Variants in PTPRD observed in about 807,000 individuals in gnomAD.
The protein encoded by PTPRD is receptor-type tyrosine-protein phosphatase delta.
A neutral mutation model predicts 214.5 loss-of-function variants in PTPRD; 34 were observed. That is an observed-to-expected ratio of 0.16 (90% CI 0.12 to 0.21). PTPRD has a LOEUF of 0.21. Among genes scored for constraint, PTPRD ranks in the 10% least tolerant of loss-of-function variants. PTPRD has a pLI of 1.00. For missense variants in PTPRD, 2,545 were observed against 2,398.7 expected (o/e 1.06, Z -1.27); for synonymous variants, 1,128 against 845.7 (o/e 1.33, Z -5.79).
intron 4 of PTPRD, among the ~76,000 whole-genome samples, chr9:9,939,154 G>C (rs753266492): frequency 6.6e-6 from 1 of 152,006 alleles, no homozygotes; most frequent in Non-Finnish European, 1.5e-5. Context: ...TTTCTCAAAC[G>C]CACCAGAGTG....
chr9:10,026,823 C>T (rs192957644), intron 4 of PTPRD, among the ~76,000 whole-genome samples: 60 of 150,844 alleles, frequency 4.0e-4, no homozygotes, highest in African/African-American at 1.2e-3. Context: ...AAGGAAGTTG[C>T]GGTCTCACAA....
intron 11 of PTPRD, among the ~76,000 whole-genome samples, chr9:8,847,567 C>T (rs957651303): frequency 2.8e-4 from 42 of 152,104 alleles, no homozygotes. Flanking sequence ...TTCCATGTAA[C>T]TTTATTTTAT....
intron 39 of PTPRD, among the ~76,000 whole-genome samples, chr9:8,354,201 T>C (rs10739161): frequency 0.91 from 137,431 of 151,762 alleles, 62,278 homozygotes; most frequent in African/African-American, 0.93. Flanking sequence ...TTTTCATAAC[T>C]TTTCTATTGT....
intron 30 of PTPRD, among the ~76,000 whole-genome samples, chr9:8,472,155 T>A (rs545652475): frequency 2.0e-5 from 3 of 152,278 alleles, no homozygotes; most frequent in South Asian, 4.1e-4. Flanking sequence ...GACGCAAAGC[T>A]ACATTTATCT....
At chr9:8,540,802 G>A (rs1245425659) in intron 14 of PTPRD, among the ~76,000 whole-genome samples, 2 of 152,100 alleles carry the variant, frequency 1.3e-5, no homozygotes, top group Non-Finnish European at 2.9e-5. Context: ...AAGGCAATGG[G>A]AGCAAGAGGA....
At chr9:8,510,006 A>C (rs945080202) in intron 21 of PTPRD, among the ~76,000 whole-genome samples, 10 of 152,182 alleles carry the variant, frequency 6.6e-5, no homozygotes, top group Non-Finnish European at 1.5e-4. Context: ...GTTCAGGCTT[A>C]GGCATGGTAA....
At chr9:8,408,393 G>C (rs759638622) in intron 35 of PTPRD, among the ~76,000 whole-genome samples, 4 of 151,986 alleles carry the variant, frequency 2.6e-5, no homozygotes, top group Non-Finnish European at 5.9e-5. Flanking sequence ...ACTCAACTCT[G>C]TCCACCCAAA....
rs145522907 is a variant in PTPRD, at chr9:10,022,581, A to T, written c.-472+11137T>A. 3.9e-5 allele frequency among the ~76,000 whole-genome samples: 6 copies of T among 152,366 alleles called. No individual in the cohort carries two copies. In the East Asian group the frequency reaches 1.2e-3, roughly 29 times the overall value. On this transcript the variant is annotated intron_variant, in intron 4 of 45. Transcript: ENST00000381196. ...AGTAACTGGAAAGAAAATAAGGCCAAAAGGCACTTGTAGTGCACAGAATAA... is the reference window on the plus strand; with the variant it reads ...AGTAACTGGAAAGAAAATAAGGCCATAAGGCACTTGTAGTGCACAGAATAA...
intron 12 of PTPRD, among the ~76,000 whole-genome samples, chr9:8,653,410 T>G (rs1047969773): frequency 1.3e-5 from 2 of 152,178 alleles, no homozygotes; most frequent in African/African-American, 4.8e-5. Flanking sequence ...CATTATTTTT[T>G]TAAAGGGTCA....
intron 5 of PTPRD, among the ~76,000 whole-genome samples, chr9:9,876,332 A>G (rs1023550234): frequency 6.6e-6 from 1 of 152,168 alleles, no homozygotes; most frequent in Non-Finnish European, 1.5e-5. Flanking sequence ...TCTTAGGAAA[A>G]ATACTTTGAA....
chr9:10,005,051 A>G (rs1186876354), intron 4 of PTPRD, among the ~76,000 whole-genome samples: 1 of 152,152 alleles, frequency 6.6e-6, no homozygotes, highest in Non-Finnish European at 1.5e-5. Flanking sequence ...TTTCTTTGCA[A>G]TGAAAAATAA....
chr9:10,118,265 G>A (rs1476230376), intron 3 of PTPRD, among the ~76,000 whole-genome samples: 1 of 150,754 alleles, frequency 6.6e-6, no homozygotes, highest in Admixed American at 6.6e-5. Context: ...TCTATCTATA[G>A]AAACATTTAT....
At chr9:10,139,437 T>C (rs568766124) in intron 3 of PTPRD, among the ~76,000 whole-genome samples, 3 of 152,006 alleles carry the variant, frequency 2.0e-5, no homozygotes, top group East Asian at 3.9e-4. Flanking sequence ...AATATTAAAA[T>C]GCCCATACTT....
At chr9:9,561,819 C>T (rs1006223307) in intron 8 of PTPRD, among the ~76,000 whole-genome samples, 2 of 152,214 alleles carry the variant, frequency 1.3e-5, no homozygotes, top group Non-Finnish European at 1.5e-5. Flanking sequence ...TACCTTCTCT[C>T]ATTTGTTGGT....
chr9:9,089,788 C>T (rs924188397), intron 10 of PTPRD, among the ~76,000 whole-genome samples: 1 of 151,954 alleles, frequency 6.6e-6, no homozygotes, highest in Non-Finnish European at 1.5e-5. Flanking sequence ...TGAAGGTTTC[C>T]AAAGTAAGAA....
At chr9:10,354,815 G>C (rs1206448864) in intron 2 of PTPRD, among the ~76,000 whole-genome samples, 1 of 152,118 alleles carries the variant, frequency 6.6e-6, no homozygotes, top group African/African-American at 2.4e-5. Context: ...CTAATGGAGA[G>C]AAGGAAAGAC....
chr9:9,242,555 T>C (rs4376543), intron 9 of PTPRD, among the ~76,000 whole-genome samples: 16,653 of 152,158 alleles, frequency 0.11, 1,150 homozygotes, highest in Non-Finnish European at 0.14. Context: ...TATTCTTTTT[T>C]CTCTAAACTT....
chr9:8,664,773 T>A (rs897364930), intron 12 of PTPRD, among the ~76,000 whole-genome samples: 2 of 152,366 alleles, frequency 1.3e-5, no homozygotes, highest in South Asian at 4.1e-4. Flanking sequence ...GTCATATTCA[T>A]ATACAAAGAT....
chr9:9,841,444 G>A (rs1313009000), intron 5 of PTPRD, among the ~76,000 whole-genome samples: 1 of 151,972 alleles, frequency 6.6e-6, no homozygotes, highest in African/African-American at 2.4e-5. Flanking sequence ...GGGATAAGTA[G>A]TACATGAGAT....
Sources: allele counts gnomAD v4.1 joint callset (sites outside exome capture counted in the v4.1 genomes callset), GRCh38; gene constraint gnomAD v4.1.1; transcripts MANE v1.5; gene names NCBI Gene and HGNC (gene_info 2026-07-23, HGNC 2026-07-21).